GOLGA6L2: variants seen among roughly 807,000 people sequenced by gnomAD.
The protein encoded by GOLGA6L2 is golgin A6 family like 2.
In GOLGA6L2, 30 loss-of-function variants were observed where a neutral mutation model predicts 35.9. That is an observed-to-expected ratio of 0.83 (90% CI 0.62 to 1.13). The LOEUF (loss-of-function observed/expected upper bound fraction) is 1.13, where lower values mean the gene tolerates loss of function less well. Ranked by LOEUF, GOLGA6L2 falls within the 50% of genes most tolerant of loss-of-function variation. The pLI is 0.00. For missense variants in GOLGA6L2, 821 were observed against 973.4 expected (o/e 0.84, Z 2.08); for synonymous variants, 297 against 344.0 (o/e 0.86, Z 1.51).
At chr15:23,443,698 C>G (rs1326910320) in intron 5 of GOLGA6L2, 79 bp downstream of exon 5, 1 of 1,127,430 alleles carries the variant, frequency 8.9e-7, no homozygotes, top group East Asian at 2.6e-5. Context: ...ACACTGCATC[C>G]TGCAGGAGGG....
At chr15:23,444,419 T>C in intron 3 of GOLGA6L2, 52 bp downstream of exon 3, 1 of 1,584,834 alleles carries the variant, frequency 6.3e-7, no homozygotes. Flanking sequence ...CCTCTACATC[T>C]GAGTGCCCTC....
At chr15:23,442,606 C>T (rs2070708105) in intron 5 of GOLGA6L2, 98 bp from the exon 6 acceptor site, 3 of 1,132,012 alleles carry the variant, frequency 2.7e-6, no homozygotes, top group Middle Eastern at 3.9e-4. Flanking sequence ...GTAACACTCC[C>T]TCACTCTCCA....
rs754907693 is a variant in GOLGA6L2, at chr15:23,442,135, A to G, written c.651-15T>C. 16 of 1,569,400 alleles carry G rather than the reference A, an allele frequency of 1.0e-5. No homozygotes were observed. Among genetic ancestry groups the G allele is most frequent in the Non-Finnish European group, 8.6e-7 (1 of 1,164,254 alleles). On this transcript the variant is annotated splice_polypyrimidine_tract_variant and intron_variant, in intron 6 of 7. Coordinates refer to ENST00000567107, the MANE Select transcript of GOLGA6L2 (RefSeq NM_001304388.2). Reference sequence around the variant, plus strand: ...CATTGGTTATGCTATGGCCCGAGGCAGTAGAGAAAGGAATGAACGAAGAAC... The same window carrying G: ...CATTGGTTATGCTATGGCCCGAGGCGGTAGAGAAAGGAATGAACGAAGAAC...
chr15:23,441,833 C>A, intron 7 of GOLGA6L2, 146 bp downstream of exon 7: 1 of 1,356,226 alleles, frequency 7.4e-7, no homozygotes, highest in East Asian at 2.5e-5. Flanking sequence ...ATTTTTAGCA[C>A]ACTCTAGAGG....
At chr15:23,446,761 G>A (rs558073006) in intron 1 of GOLGA6L2, among the ~76,000 whole-genome samples, 4 of 152,202 alleles carry the variant, frequency 2.6e-5, no homozygotes, top group African/African-American at 9.6e-5. Flanking sequence ...GGCGACTGGT[G>A]AGGGCAGGTG....
In GOLGA6L2 at chr15:23,439,597, G is replaced by T. The variant is rs1224762932; in HGVS notation, c.*148C>A. The stretch of plus-strand genomic sequence containing the variant: ...TGTCTCCTCGGTAGAAGAATGGGAT[G>T]CAGGAGGTACTGCCTAATCCTGGGC... On this transcript the variant is annotated 3_prime_UTR_variant, in exon 8 of 8. Transcript: ENST00000567107. The T allele has an allele frequency of 6.5e-7, 1 of 1,535,954 alleles. No individual in the cohort carries two copies. Among genetic ancestry groups the T allele is most frequent in the Non-Finnish European group, 8.7e-7 (1 of 1,146,774 alleles).
intron 5 of GOLGA6L2, among the ~76,000 whole-genome samples, 158 bp from the exon 6 acceptor site, chr15:23,442,666 T>C (rs371237288): frequency 5.1e-4 from 25 of 49,406 alleles, no homozygotes; most frequent in African/African-American, 1.1e-3. Context: ...GTCTCATTTT[T>C]TTTTCTTTTT....
rs1254276681 is a variant in GOLGA6L2 at position 23,444,501 on chromosome 15, C to T, written c.214-1G>A. 2.1e-5 allele frequency: 33 copies of T among 1,599,552 alleles called. No individual in the cohort carries two copies. Among genetic ancestry groups the T allele is most frequent in the Non-Finnish European group, 2.5e-5 (30 of 1,179,770 alleles). ...TCAGCTGCGCTCGGTTCTGTTGTGT[C>T]TGTGGGGAGAGTCAAAGGAAGGTGA... On this transcript the variant is annotated splice_acceptor_variant, in intron 2 of 7. Coordinates refer to ENST00000567107, the MANE Select transcript of GOLGA6L2 (RefSeq NM_001304388.2). LOFTEE classifies it high-confidence loss of function.
intron 3 of GOLGA6L2, 63 bp downstream of exon 3, chr15:23,444,408 G>T: frequency 6.5e-7 from 1 of 1,548,684 alleles, no homozygotes; most frequent in Non-Finnish European, 8.8e-7. Flanking sequence ...GATGAGACGG[G>T]CCTCTACATC....
rs776821464 is a variant in GOLGA6L2 at position 23,447,213 on chromosome 15, C to G, written c.-32G>C. 3 of 1,249,180 alleles carry G rather than the reference C, an allele frequency of 2.4e-6. No homozygotes were observed. In the African/African-American group the frequency reaches 4.4e-5, roughly 18 times the overall value. 77.4% of individuals were successfully genotyped at this position (1,249,180 alleles called of 1,614,324 possible). On this transcript the variant is annotated 5_prime_UTR_variant, in exon 1 of 8. Coordinates refer to ENST00000567107, the MANE Select transcript of GOLGA6L2 (RefSeq NM_001304388.2). ...GATTCAGACGAGGACAAGGATACAC[C>G]TCCAGTCACGTACCACGCAGCTATG... is the stretch of plus-strand genomic sequence containing the variant.
Position 23,440,504 on chromosome 15 carries a change from TC to T in GOLGA6L2, c.1970del (p.Gly657GlufsTer321), listed in dbSNP as rs1335424139. On this transcript the variant is annotated frameshift_variant, in exon 8 of 8. Transcript: ENST00000567107. LOFTEE classifies it low-confidence loss of function (END_TRUNC). The stretch of plus-strand genomic sequence containing the variant: ...CTCCTCCTGCTCCCGCATCTTCTCT[TC>T]CTGCTCCTGCATCTTCTCCTCCTGC... ...AGAGGEDAGA[G>X]REDAGAGGED... 1 of 1,103,526 alleles carries T rather than the reference TC, an allele frequency of 9.1e-7. No homozygotes were observed. The highest frequency in any genetic ancestry group is 1.3e-6 in the Non-Finnish European group (1 of 747,540). The allele number at this position is 1,103,526 out of a possible 1,614,324, so 68.4% of individuals were successfully genotyped here. A position where few individuals can be genotyped will look rare whatever the true frequency, so the allele number is the denominator to read the frequency against.
chr15:23,441,347 C>T lies in GOLGA6L2; in HGVS notation c.1128G>A (p.Glu376=). Residue 376 remains glutamate (E), a synonymous_variant, in exon 8 of 8, where the codon GAG becomes GAA. Transcript: ENST00000567107. ...EQEEKMWRQE[E]RLWEQEKQMR... ...TCTGCTTCTCCTGCTCCCACAGCCT[C>T]TCCTCCTGTCTCCACATCTTCTCTT... 6.5e-7 allele frequency: 1 copy of T among 1,538,796 alleles called. No individual in the cohort carries two copies. The highest frequency in any genetic ancestry group is 8.7e-7 in the Non-Finnish European group (1 of 1,145,314).
In GOLGA6L2 at chr15:23,443,412, A is replaced by G. The variant is rs1220970964; in HGVS notation, c.591+365T>C. ...CACACACACACACACGCACATGCAC[A>G]CTTATGTGTGTTCCCTCTCTCTACA... On this transcript the variant is annotated intron_variant, in intron 5 of 7. Coordinates refer to ENST00000567107, the MANE Select transcript of GOLGA6L2 (RefSeq NM_001304388.2). 2.6e-5 allele frequency among the ~76,000 whole-genome samples: 4 copies of G among 151,690 alleles called. No homozygotes were observed. The East Asian group carries it at 7.8e-4, about 30-fold the overall frequency.
At position 23,444,509 on chromosome 15, in the gene GOLGA6L2, A is replaced by T. The variant is rs779858233; in HGVS notation, c.214-9T>A. ...GCTCGGTTCTGTTGTGTCTGTGGGG[A>T]GAGTCAAAGGAAGGTGACTGAGGGT... On this transcript the variant is annotated splice_polypyrimidine_tract_variant and intron_variant, in intron 2 of 7. Coordinates refer to ENST00000567107, the MANE Select transcript of GOLGA6L2 (RefSeq NM_001304388.2). The T allele has an allele frequency of 5.0e-6, 8 of 1,599,254 alleles. No homozygotes were observed. In the East Asian group the frequency reaches 1.8e-4, roughly 36 times the overall value.
intron 5 of GOLGA6L2, 61 bp from the exon 6 acceptor site, chr15:23,442,569 G>T (rs1349433806): frequency 2.5e-5 from 37 of 1,478,864 alleles, no homozygotes; most frequent in Non-Finnish European, 3.1e-5. Flanking sequence ...GGCCGACCAG[G>T]AACAACAGCT....
rs1465059166 is a variant in GOLGA6L2 at position 23,443,916 on chromosome 15, G to C, written c.452C>G (p.Pro151Arg). ...LALSQAFRGSPLGCVSTSLIP... is the reference protein window; with the variant it reads ...LALSQAFRGSRLGCVSTSLIP... ...GAGAGAGGTTGAGACACAGCCCAAAGGACTCCCCCTAAAGGCCTGTGAAAG... is the reference window on the plus strand; with the variant it reads ...GAGAGAGGTTGAGACACAGCCCAAACGACTCCCCCTAAAGGCCTGTGAAAG... Residue 151 changes from proline to arginine, a missense_variant, in exon 5 of 8, where the codon CCT becomes CGT. Coordinates refer to ENST00000567107, the MANE Select transcript of GOLGA6L2 (RefSeq NM_001304388.2). 6.5e-7 allele frequency: 1 copy of C among 1,548,998 alleles called. No homozygotes were observed. Among genetic ancestry groups the C allele is most frequent in the East Asian group, 2.4e-5 (1 of 41,944 alleles).
In GOLGA6L2 at chr15:23,444,134, AG is replaced by A. The variant is rs777267415; in HGVS notation, c.294+27del. 639 of 1,602,018 alleles carry A rather than the reference AG, an allele frequency of 4.0e-4. 6 individuals carry two copies. The highest frequency in any genetic ancestry group is 2.5e-3 in the South Asian group (223 of 90,748). ...AGCAAAAAAACCTTCTCCAGAGGAC[AG>A]GAGGGAACTTCACACCCTCCACTCA... On this transcript the variant is annotated intron_variant, in intron 4 of 7. Coordinates refer to ENST00000567107, the MANE Select transcript of GOLGA6L2 (RefSeq NM_001304388.2).
rs76062343 is a variant in GOLGA6L2, at chr15:23,441,010, G to T, written c.1465C>A (p.Gln489Lys). ...TTCTGTTCCGGCAGCCTCTGCTGCT[G>T]CCACTCCTTCTCTTCCTGCTCCCAC... ...NMWEQEEKEW[Q>K]QQRLPEQKEK... Residue 489 changes from glutamine to lysine, a missense_variant, in exon 8 of 8, where the codon CAG becomes AAG. This residue lies in a region of GOLGA6L2 where 614 missense variants were observed against 632.3 expected (regional missense o/e 0.97). Transcript: ENST00000567107. The T allele has an allele frequency of 7.8e-7, 1 of 1,279,180 alleles. No homozygotes were observed. The allele number at this position is 1,279,180 out of a possible 1,614,324, so 79.2% of individuals were successfully genotyped here. A position where few individuals can be genotyped will look rare whatever the true frequency, so the allele number is the denominator to read the frequency against.
intron 1 of GOLGA6L2, among the ~76,000 whole-genome samples, chr15:23,446,097 A>C (rs1242691041): frequency 6.6e-6 from 1 of 152,206 alleles, no homozygotes; most frequent in Non-Finnish European, 1.5e-5. Context: ...CCCAAGATCT[A>C]TTCCACAGAA....
Sources: gnomAD v4.1 joint callset for allele counts (sites outside exome capture counted in the v4.1 genomes callset) on GRCh38, gnomAD v4.1.1 for gene constraint, gnomAD v4.1.1 regional missense constraint, MANE v1.5 for transcripts, NCBI Gene and HGNC (gene_info 2026-07-23, HGNC 2026-07-21) for gene names.